Variants in KCND2 observed in about 807,000 individuals in gnomAD.
KCND2 encodes the protein potassium voltage-gated channel subfamily D member 2.
KCND2 carries 16 observed loss-of-function variants against 54.4 expected under a neutral mutation model. The observed-to-expected ratio is 0.29, with a 90% CI of 0.20 to 0.45. The LOEUF (loss-of-function observed/expected upper bound fraction) is 0.45, where lower values mean the gene tolerates loss of function less well. Among genes scored for constraint, KCND2 ranks in the 20% least tolerant of loss-of-function variants. The pLI is 1.00. For synonymous variants in KCND2, 317 were observed against 310.7 expected, an observed-to-expected ratio of 1.02 and a Z score of -0.21; for missense variants, 486 against 824.2, an observed-to-expected ratio of 0.59 and a Z score of 5.02.
intron 1 of KCND2, among the ~76,000 whole-genome samples, chr7:120,308,325 T>C (rs1396327267): frequency 6.6e-6 from 1 of 152,130 alleles, no homozygotes; most frequent in African/African-American, 2.4e-5. Context: ...TTTTCTAGTC[T>C]AACATAGCTT....
chr7:120,456,372 C>CA (rs1341281194), intron 1 of KCND2, among the ~76,000 whole-genome samples: 1 of 152,130 alleles, frequency 6.6e-6, no homozygotes, highest in East Asian at 1.9e-4. Flanking sequence ...GTATGGCTGT[C>CA]AAGGTATGTT....
intron 4 of KCND2, among the ~76,000 whole-genome samples, chr7:120,743,499 G>A (rs1792966785): frequency 6.6e-6 from 1 of 152,100 alleles, no homozygotes; most frequent in South Asian, 2.1e-4. Flanking sequence ...TCCCAGACAG[G>A]GCTGTTACTG....
chr7:120,698,096 C>A (rs1319880978), intron 1 of KCND2, among the ~76,000 whole-genome samples: 1 of 123,740 alleles, frequency 8.1e-6, no homozygotes. Context: ...CTCACTCTAA[C>A]TTCTGCCTCC....
Position 120,449,328 on chromosome 7 carries a change from CA to C in KCND2, c.1115+173597del, listed in dbSNP as rs58305865. On this transcript the variant is annotated intron_variant, in intron 1 of 5. Transcript: ENST00000331113. ...TGGGCCACAGAGCCAGACTCCGTCT[CA>C]AAAAAAAAAAAAAAATATTTTCTCC... Among the ~76,000 whole-genome samples, 1,106 of 125,306 alleles carry C rather than the reference CA, an allele frequency of 8.8e-3. 10 individuals are homozygous for C. Among genetic ancestry groups the C allele is most frequent in the African/African-American group, 0.019 (654 of 35,302 alleles). The allele number at this position is 125,306 out of a possible 152,430, so 82.2% of individuals were successfully genotyped here. A position where few individuals can be genotyped will look rare whatever the true frequency, so the allele number is the denominator to read the frequency against.
chr7:120,670,940 G>C (rs974494079), intron 1 of KCND2, among the ~76,000 whole-genome samples: 10 of 150,786 alleles, frequency 6.6e-5, no homozygotes, highest in African/African-American at 2.4e-4. Context: ...AGAAAGAAAA[G>C]GGATGAATGT....
rs564838160 is a variant in KCND2, at chr7:120,391,102, G to A, written c.1115+115355G>A. On this transcript the variant is annotated intron_variant, in intron 1 of 5. Coordinates refer to ENST00000331113, the MANE Select transcript of KCND2 (RefSeq NM_012281.3). ...TGCCCAACAGGCCCTGGTATGTGAT[G>A]TTCCCCTCCCTGTGTACATGTGCTC... Among the ~76,000 whole-genome samples the A allele has an allele frequency of 6.6e-5, 10 of 152,148 alleles. No individual in the cohort carries two copies. In the South Asian group the frequency reaches 2.1e-3, roughly 32 times the overall value.
chr7:120,503,218 A>G (rs1333995387), intron 1 of KCND2, among the ~76,000 whole-genome samples: 1 of 152,072 alleles, frequency 6.6e-6, no homozygotes, highest in Non-Finnish European at 1.5e-5. Flanking sequence ...ATATGTTGGA[A>G]GCATATTGTG....
intron 1 of KCND2, among the ~76,000 whole-genome samples, chr7:120,501,695 G>C (rs1447764984): frequency 6.6e-6 from 1 of 152,110 alleles, no homozygotes; most frequent in Non-Finnish European, 1.5e-5. Flanking sequence ...GATATGCTTA[G>C]ACACACAAAC....
intron 1 of KCND2, among the ~76,000 whole-genome samples, chr7:120,713,867 G>C (rs974090167): frequency 1.3e-5 from 2 of 152,096 alleles, no homozygotes; most frequent in African/African-American, 4.8e-5. Flanking sequence ...TACTAGTCTT[G>C]TTTTGGTTTG....
chr7:120,738,531 A>G (rs1462863292), intron 2 of KCND2, among the ~76,000 whole-genome samples: 1 of 152,026 alleles, frequency 6.6e-6, no homozygotes, highest in Non-Finnish European at 1.5e-5. Flanking sequence ...AGCTTTTTTT[A>G]CACTGAAAAT....
intron 1 of KCND2, among the ~76,000 whole-genome samples, chr7:120,714,805 CA>C (rs1221152644): frequency 1.3e-5 from 2 of 152,012 alleles, no homozygotes; most frequent in South Asian, 2.1e-4. Context: ...ATAAACCCTC[CA>C]TTCAAATGAT....
At chr7:120,745,727 GT>G in intron 4 of KCND2, 52 bp from the exon 5 acceptor site, 2 of 1,603,418 alleles carry the variant, frequency 1.2e-6, no homozygotes, top group Non-Finnish European at 1.7e-6. Context: ...TATGTATTTC[GT>G]TTTTAAAAAT....
Position 120,741,573 on chromosome 7 carries a change from A to G in KCND2, c.1318A>G (p.Ser440Gly), listed in dbSNP as rs752136303. Residue 440 changes from serine (S) to glycine (G), a missense_variant, in exon 3 of 6, where the codon AGC (serine) becomes GGC (glycine). This residue lies in a region of KCND2 where 202 missense variants were observed against 252.7 expected (regional missense o/e 0.80). Coordinates refer to ENST00000331113, the MANE Select transcript of KCND2 (RefSeq NM_012281.3). ...CAGGATCCGGGCAGCCAAAAGCGGAAGCGCAAATGCTTACATGCAGAGCAA... is the reference window on the plus strand; with the variant it reads ...CAGGATCCGGGCAGCCAAAAGCGGAGGCGCAAATGCTTACATGCAGAGCAA... ...LARIRAAKSG[S>G]ANAYMQSKRN... The G allele has an allele frequency of 1.2e-6, 2 of 1,613,402 alleles. No individual in the cohort carries two copies. Among genetic ancestry groups the G allele is most frequent in the Non-Finnish European group, 1.7e-6 (2 of 1,179,508 alleles).
intron 1 of KCND2, among the ~76,000 whole-genome samples, chr7:120,397,081 C>T (rs1801165568): frequency 6.6e-6 from 1 of 152,004 alleles, no homozygotes; most frequent in African/African-American, 2.4e-5. Flanking sequence ...GGCCCTATAT[C>T]TATGAACAGA....
intron 1 of KCND2, among the ~76,000 whole-genome samples, chr7:120,556,946 T>C (rs1015606940): frequency 6.6e-6 from 1 of 152,208 alleles, no homozygotes; most frequent in Non-Finnish European, 1.5e-5. Flanking sequence ...GTTTCACAAA[T>C]GTTATAGTGC....
At chr7:120,502,022 C>T (rs150393008) in intron 1 of KCND2, among the ~76,000 whole-genome samples, 1 of 151,970 alleles carries the variant, frequency 6.6e-6, no homozygotes, top group Non-Finnish European at 1.5e-5. Flanking sequence ...GTCATCTGGA[C>T]AATGAGATGT....
intron 2 of KCND2, chr7:120,740,774 A>G: frequency 2.3e-6 from 1 of 442,582 alleles, no homozygotes; most frequent in African/African-American, 2.0e-5. Context: ...AACAATGTTT[A>G]AATCTCTCTG....
chr7:120,320,824 C>A (rs1038853208), intron 1 of KCND2, among the ~76,000 whole-genome samples: 1 of 151,904 alleles, frequency 6.6e-6, no homozygotes, highest in Non-Finnish European at 1.5e-5. Flanking sequence ...AGGGGTAGAA[C>A]CATTAATCAA....
chr7:120,466,083 A>G (rs533469638), intron 1 of KCND2, among the ~76,000 whole-genome samples: 33 of 152,312 alleles, frequency 2.2e-4, no homozygotes, highest in African/African-American at 7.7e-4. Flanking sequence ...TCTGAGCCCT[A>G]CCCTCTAGAT....
Sources: gnomAD v4.1 joint callset for allele counts (sites outside exome capture counted in the v4.1 genomes callset) on GRCh38, gnomAD v4.1.1 for gene constraint, gnomAD v4.1.1 regional missense constraint, MANE v1.5 for transcripts, NCBI Gene and HGNC (gene_info 2026-07-23, HGNC 2026-07-21) for gene names.